LDLRAD4: variants seen among roughly 807,000 people sequenced by gnomAD.
LDLRAD4 encodes the protein low-density lipoprotein receptor class A domain-containing protein 4.
A neutral mutation model predicts 17.0 loss-of-function variants in LDLRAD4; 5 were observed. The ratio of observed to expected loss-of-function variants is 0.29; its 90% CI spans 0.15 to 0.62. LDLRAD4 has a LOEUF of 0.62. Among genes scored for constraint, LDLRAD4 ranks in the 20% least tolerant of loss-of-function variants. LDLRAD4 has a pLI of 0.84. For missense variants in LDLRAD4, 340 were observed against 424.7 expected (o/e 0.80, Z 1.75); for synonymous variants, 168 against 171.8 (o/e 0.98, Z 0.17).
At chr18:13,613,326 A>T (rs2039779072) in intron 3 of LDLRAD4, 1 of 152,470 alleles carries the variant, frequency 6.6e-6, no homozygotes, top group Non-Finnish European at 1.5e-5. Flanking sequence ...CTCAGAAGCC[A>T]CCACTCTCCC....
At chr18:13,462,947 G>A (rs983851753) in intron 3 of LDLRAD4, among the ~76,000 whole-genome samples, 6 of 152,138 alleles carry the variant, frequency 3.9e-5, no homozygotes, top group African/African-American at 1.4e-4. Flanking sequence ...ATGCTGTGGT[G>A]GCCTTTGCAG....
chr18:13,233,330 A>AC (rs1051063809), intron 1 of LDLRAD4, among the ~76,000 whole-genome samples: 1 of 152,008 alleles, frequency 6.6e-6, no homozygotes, highest in African/African-American at 2.4e-5. Flanking sequence ...ACATCAAGGG[A>AC]CCCTCTGGCT....
chr18:13,266,659 C>T (rs548698869), intron 1 of LDLRAD4, among the ~76,000 whole-genome samples: 2 of 152,386 alleles, frequency 1.3e-5, no homozygotes, highest in South Asian at 4.1e-4. Context: ...CACGCTCAGG[C>T]GCTGCCTGGC....
At chr18:13,410,445 A>T (rs2145682972) in intron 2 of LDLRAD4, among the ~76,000 whole-genome samples, 1 of 152,364 alleles carries the variant, frequency 6.6e-6, no homozygotes, top group African/African-American at 2.4e-5. Context: ...CAGGAACTCT[A>T]GTGATTTTAC....
At chr18:13,608,480 C>T (rs1053447692) in intron 3 of LDLRAD4, among the ~76,000 whole-genome samples, 1 of 152,128 alleles carries the variant, frequency 6.6e-6, no homozygotes, top group African/African-American at 2.4e-5. Context: ...CTCCCTTTAC[C>T]ACTCAGAAAT....
At chr18:13,292,433 G>T (rs2046016910) in intron 1 of LDLRAD4, among the ~76,000 whole-genome samples, 1 of 152,150 alleles carries the variant, frequency 6.6e-6, no homozygotes, top group African/African-American at 2.4e-5. Context: ...AATATTTTTG[G>T]CATTTAGAAA....
At position 13,601,207 on chromosome 18, in the gene LDLRAD4, A is replaced by C. The variant is rs867215541; in HGVS notation, c.182-19910A>C. On this transcript the variant is annotated intron_variant, in intron 3 of 5. Transcript: ENST00000359446. Reference sequence around the variant, plus strand: ...CTGTAGAAATATTTTAAACGCAGAAATCTGATGTTATAATGCATTTAACAA... The same window carrying C: ...CTGTAGAAATATTTTAAACGCAGAACTCTGATGTTATAATGCATTTAACAA... Among the ~76,000 whole-genome samples, 34 of 152,366 alleles carry C rather than the reference A, an allele frequency of 2.2e-4. 1 individual carries two copies. In the Middle Eastern group the frequency reaches 0.014, roughly 61 times the overall value.
Position 13,428,622 on chromosome 18 carries a change from A to G in LDLRAD4, c.41-9622A>G, listed in dbSNP as rs201998704. ...ACAGGGGAGGAGCTAGGAGATCACC[A>G]TGGGGAGGGGAGATTGTACCTTGGA... On this transcript the variant is annotated intron_variant, in intron 2 of 5. Transcript: ENST00000359446. 5.9e-5 allele frequency among the ~76,000 whole-genome samples: 9 copies of G among 152,242 alleles called. No homozygotes were observed. In the East Asian group the frequency reaches 1.7e-3, roughly 29 times the overall value.
intron 3 of LDLRAD4, among the ~76,000 whole-genome samples, chr18:13,449,150 T>C (rs145699022): frequency 8.3e-4 from 126 of 152,336 alleles, no homozygotes; most frequent in Non-Finnish European, 1.4e-3. Context: ...AGAAATCTTG[T>C]TTCAGGAGTT....
At chr18:13,507,149 T>C (rs2093706961) in intron 3 of LDLRAD4, among the ~76,000 whole-genome samples, 1 of 152,198 alleles carries the variant, frequency 6.6e-6, no homozygotes, top group African/African-American at 2.4e-5. Context: ...TTTTTTAAAA[T>C]TCTTTTTAAT....
At position 13,261,985 on chromosome 18, in the gene LDLRAD4, A is replaced by G. The variant is rs1183482316; in HGVS notation, c.-466-16120A>G. Among the ~76,000 whole-genome samples, 302 of 148,120 alleles carry G rather than the reference A, an allele frequency of 2.0e-3. 1 individual carries two copies. Among genetic ancestry groups the G allele is most frequent in the South Asian group, 0.012 (54 of 4,454 alleles). On this transcript the variant is annotated intron_variant, in intron 1 of 5. Transcript: ENST00000399848. ...AGTCCCGTGTGGCTCTGTGTGTGGA[A>G]ACTGAGTCCCGTGGGGCTCTGTGCG... is the stretch of plus-strand genomic sequence containing the variant.
intron 1 of LDLRAD4, among the ~76,000 whole-genome samples, chr18:13,296,232 G>A (rs530260845): frequency 6.6e-6 from 1 of 152,370 alleles, no homozygotes; most frequent in South Asian, 2.1e-4. Context: ...AAATCAGACC[G>A]GGCTGTGATT....
At chr18:13,301,204 G>A (rs1025951572) in intron 1 of LDLRAD4, among the ~76,000 whole-genome samples, 2 of 152,118 alleles carry the variant, frequency 1.3e-5, no homozygotes, top group Non-Finnish European at 2.9e-5. Context: ...AGACGCCAGT[G>A]GTCCTTCTGT....
At chr18:13,446,221 A>G (rs2091395261) in intron 3 of LDLRAD4, among the ~76,000 whole-genome samples, 1 of 152,026 alleles carries the variant, frequency 6.6e-6, no homozygotes, top group Admixed American at 6.5e-5. Context: ...CGGTGGGGTG[A>G]TTTACTCAGA....
chr18:13,484,781 T>C (rs1349941839), intron 3 of LDLRAD4, among the ~76,000 whole-genome samples: 1 of 152,190 alleles, frequency 6.6e-6, no homozygotes, highest in Non-Finnish European at 1.5e-5. Flanking sequence ...CTTCCTTGAT[T>C]TTTCAAATGG....
At chr18:13,301,025 G>A (rs985418246) in intron 1 of LDLRAD4, among the ~76,000 whole-genome samples, 6 of 152,212 alleles carry the variant, frequency 3.9e-5, no homozygotes, top group Non-Finnish European at 7.3e-5. Context: ...CTGGAGTGGG[G>A]CTCGTGTGTG....
At chr18:13,383,773 CACTT>C (rs754700220) in intron 1 of LDLRAD4, among the ~76,000 whole-genome samples, 6 of 152,232 alleles carry the variant, frequency 3.9e-5, no homozygotes, top group African/African-American at 1.4e-4. Context: ...TCACCTGACA[CACTT>C]ACTGAGTGCC....
intron 3 of LDLRAD4, among the ~76,000 whole-genome samples, chr18:13,587,410 G>T (rs1307897770): frequency 6.6e-6 from 1 of 152,106 alleles, no homozygotes; most frequent in Admixed American, 6.6e-5. Flanking sequence ...ACCCTGCCTT[G>T]GTCTTTACCG....
chr18:13,380,955 C>A (rs554685989), intron 1 of LDLRAD4, among the ~76,000 whole-genome samples: 1 of 149,912 alleles, frequency 6.7e-6, no homozygotes, highest in Admixed American at 6.7e-5. Flanking sequence ...AAATTCATCA[C>A]ACTCCAACTC....
Sources: gnomAD v4.1 joint callset for allele counts (sites outside exome capture counted in the v4.1 genomes callset) on GRCh38, gnomAD v4.1.1 for gene constraint, MANE v1.5 for transcripts, NCBI Gene and HGNC (gene_info 2026-07-23, HGNC 2026-07-21) for gene names.